The following CLTRN variants were observed in gnomAD, a reference collection of about 807,000 sequenced individuals.
CLTRN encodes collectrin, amino acid transport regulator.
In CLTRN, 12 loss-of-function variants were observed where a neutral mutation model predicts 14.5. That is an observed-to-expected ratio of 0.83 (90% CI 0.53 to 1.34). The LOEUF (loss-of-function observed/expected upper bound fraction) is 1.34, where lower values mean the gene tolerates loss of function less well. Ranked by LOEUF, CLTRN falls within the 40% of genes most tolerant of loss-of-function variation. The pLI is 0.00. For synonymous variants in CLTRN, 58 were observed against 56.5 expected, an observed-to-expected ratio of 1.03 and a Z score of -0.12; for missense variants, 154 against 165.1, an observed-to-expected ratio of 0.93 and a Z score of 0.37.
At chrX:15,671,186 T>C (rs1017985677) in intron 1 of CLTRN, among the ~76,000 whole-genome samples, 1 of 111,627 alleles carries the variant, frequency 9.0e-6, no homozygotes, top group African/African-American at 3.3e-5. Context: ...GCACATACAA[T>C]TGTGAACAAA....
At chrX:15,646,458 A>ATCC in intron 3 of CLTRN, 11 of 228,794 alleles carry the variant, frequency 4.8e-5, no homozygotes, top group Non-Finnish European at 7.2e-5. Flanking sequence ...AAAACCGCGC[A>ATCC]CCCACCCCCC....
At chrX:15,670,919 T>C (rs1929708205) in intron 1 of CLTRN, among the ~76,000 whole-genome samples, 1 of 90,517 alleles carries the variant, frequency 1.1e-5, no homozygotes, top group Admixed American at 1.2e-4. Context: ...TGTGTGTGTG[T>C]GTGTGTGTGT....
intron 3 of CLTRN, among the ~76,000 whole-genome samples, chrX:15,657,452 T>C (rs1053652618): frequency 3.6e-5 from 4 of 112,628 alleles, no homozygotes; most frequent in Non-Finnish European, 7.5e-5. Context: ...TAAAATTTCC[T>C]AAGAATGGAA....
At chrX:15,663,126 T>C (rs1929545733) in intron 2 of CLTRN, among the ~76,000 whole-genome samples, 1 of 112,174 alleles carries the variant, frequency 8.9e-6, no homozygotes, top group Non-Finnish European at 1.9e-5. Context: ...GAAGTGCCCT[T>C]GTACTTCTTC....
chrX:15,662,457 G>GT (rs1929530074), intron 2 of CLTRN, among the ~76,000 whole-genome samples: 1 of 111,439 alleles, frequency 9.0e-6, no homozygotes, highest in South Asian at 3.8e-4. Flanking sequence ...TCCATTCTGT[G>GT]TATTTAGCTC....
At chrX:15,645,786 T>C (rs1425279946) in intron 3 of CLTRN, among the ~76,000 whole-genome samples, 2 of 112,347 alleles carry the variant, frequency 1.8e-5, no homozygotes, top group Non-Finnish European at 3.8e-5. Flanking sequence ...ATGGAAATTA[T>C]AGGAAAGTCC....
chrX:15,636,850 GT>G (rs1360191864), intron 5 of CLTRN, among the ~76,000 whole-genome samples: 1 of 111,132 alleles, frequency 9.0e-6, no homozygotes, highest in Non-Finnish European at 1.9e-5. Context: ...TCATCTCCCT[GT>G]TGCAGATGGA....
intron 3 of CLTRN, chrX:15,646,837 GC>G: frequency 3.1e-6 from 1 of 318,855 alleles, no homozygotes. Flanking sequence ...CATGAAAATC[GC>G]CCCGCCCGAG....
intron 5 of CLTRN, among the ~76,000 whole-genome samples, chrX:15,634,826 T>G (rs896485151): frequency 9.6e-6 from 1 of 104,041 alleles, no homozygotes; most frequent in Non-Finnish European, 2.0e-5. Flanking sequence ...GAGATATACC[T>G]AATGCTAGAT....
chrX:15,631,996 C>T (rs540371964), intron 5 of CLTRN, among the ~76,000 whole-genome samples: 3 of 112,108 alleles, frequency 2.7e-5, no homozygotes, highest in Non-Finnish European at 5.6e-5. Context: ...TTCCTGAAAA[C>T]TAAAATCAAG....
chrX:15,639,561 C>T lies in CLTRN; in HGVS notation c.512+1G>A, dbSNP rs1248064645. ...TCAATCACTCCTTTTAAATATCTTA[C>T]CTTCTACGTTGCCAGATCCCTGATA... On this transcript the variant is annotated splice_donor_variant, in intron 5 of 5. Coordinates refer to ENST00000380342, the MANE Select transcript of CLTRN (RefSeq NM_020665.6). LOFTEE classifies it high-confidence loss of function. 3.3e-6 allele frequency: 4 copies of T among 1,200,272 alleles called. No homozygotes were observed. In the East Asian group the frequency reaches 1.2e-4, roughly 36 times the overall value.
At chrX:15,647,877 C>T (rs1929125700) in intron 3 of CLTRN, among the ~76,000 whole-genome samples, 1 of 59,205 alleles carries the variant, frequency 1.7e-5, no homozygotes, top group Non-Finnish European at 3.2e-5. Flanking sequence ...TTCTAGAATG[C>T]TTGGGGTGTG....
chrX:15,628,453 C>T (rs758453096), intron 5 of CLTRN, among the ~76,000 whole-genome samples: 1 of 111,935 alleles, frequency 8.9e-6, no homozygotes, highest in Non-Finnish European at 1.9e-5. Flanking sequence ...CACATAGACA[C>T]TCACACACAC....
intron 1 of CLTRN, among the ~76,000 whole-genome samples, chrX:15,671,883 C>CACACACA (rs1555985299): frequency 1.8e-5 from 1 of 56,953 alleles, no homozygotes; most frequent in Admixed American, 2.2e-4. Flanking sequence ...CACACACACA[C>CACACACA]AATTTCCAGT....
At position 15,641,709 on chromosome X, in the gene CLTRN, G is replaced by C. The variant is rs182396597; in HGVS notation, c.318-1953C>G. ...GGTCTTGCTATATTGCCCAGGCTGG[G>C]GCTCCACATTTTATTTTGTACAATG... On this transcript the variant is annotated intron_variant, in intron 4 of 5. Coordinates refer to ENST00000380342, the MANE Select transcript of CLTRN (RefSeq NM_020665.6). Among the ~76,000 whole-genome samples, 228 of 108,256 alleles carry C rather than the reference G, an allele frequency of 2.1e-3. 1 individual carries two copies. The highest frequency in any genetic ancestry group is 7.2e-3 in the African/African-American group (211 of 29,311). The allele number at this position is 108,256 out of a possible 115,157, so 94.0% of individuals were successfully genotyped here.
chrX:15,653,425 T>A (rs1482039499), intron 3 of CLTRN, among the ~76,000 whole-genome samples: 1 of 111,193 alleles, frequency 9.0e-6, no homozygotes, highest in Non-Finnish European at 1.9e-5. Context: ...CTCAGCATCT[T>A]CAACTGCCCA....
chrX:15,649,941 C>A lies in CLTRN; in HGVS notation c.204-4912G>T, dbSNP rs768864209. ...AATTTCTTTGTTTGGATAAGTCTAC[C>A]GTGGTTATTTAACATGATATCATAA... On this transcript the variant is annotated intron_variant, in intron 3 of 5. Transcript: ENST00000380342. 1.9e-5 allele frequency among the ~76,000 whole-genome samples: 2 copies of A among 106,592 alleles called. 1 individual carries two copies. The highest frequency in any genetic ancestry group is 8.6e-4 in the South Asian group (2 of 2,318). The allele number at this position is 106,592 out of a possible 115,157, so 92.6% of individuals were successfully genotyped here. A position where few individuals can be genotyped will look rare whatever the true frequency, so the allele number is the denominator to read the frequency against.
chrX:15,646,053 AAAAGT>A (rs1231516627), intron 3 of CLTRN: 1 of 118,284 alleles, frequency 8.5e-6, no homozygotes, highest in African/African-American at 3.2e-5. Flanking sequence ...GGTCAGGTAC[AAAAGT>A]AGAGGCAGCT....
intron 5 of CLTRN, 94 bp from the exon 6 acceptor site, chrX:15,628,221 G>A: frequency 1.7e-6 from 1 of 594,338 alleles, no homozygotes; most frequent in Non-Finnish European, 2.4e-6. Context: ...ACAGGAAGGG[G>A]AATAGGAACC....
Sources: gnomAD v4.1 joint callset for allele counts (sites outside exome capture counted in the v4.1 genomes callset) on GRCh38, gnomAD v4.1.1 for gene constraint, MANE v1.5 for transcripts, NCBI Gene and HGNC (gene_info 2026-07-23, HGNC 2026-07-21) for gene names.